MICU1: variants seen among roughly 807,000 people sequenced by gnomAD.
The protein encoded by MICU1 is calcium uptake protein 1, mitochondrial.
Under a neutral mutation model 56.8 loss-of-function variants are expected in MICU1, and 45 were observed. The observed-to-expected ratio is 0.79, with a 90% CI of 0.62 to 1.02. The LOEUF (loss-of-function observed/expected upper bound fraction) is 1.02, where lower values mean the gene tolerates loss of function less well. Among genes scored for constraint, MICU1 ranks in the 50% least tolerant of loss-of-function variants. The pLI is 0.00. For synonymous variants in MICU1, 186 were observed against 195.1 expected (o/e 0.95, Z 0.39); for missense variants, 504 against 587.1 (o/e 0.86, Z 1.46).
intron 5 of MICU1, among the ~76,000 whole-genome samples, chr10:72,522,908 A>G (rs896727932): frequency 2.0e-5 from 3 of 152,178 alleles, no homozygotes; most frequent in African/African-American, 7.2e-5. Flanking sequence ...AAGGTTTATT[A>G]TTATTCTTTA....
In MICU1 at chr10:72,456,946, G is replaced by GGTGT. The variant is rs71018292; in HGVS notation, c.933+18150_933+18153dup. 0.01 allele frequency among the ~76,000 whole-genome samples: 1,184 copies of GGTGT among 117,770 alleles called. 48 individuals are homozygous for GGTGT. The East Asian group carries it at 0.15, about 15-fold the overall frequency. The allele number at this position is 117,770 out of a possible 152,430, so 77.3% of individuals were successfully genotyped here. A position where few individuals can be genotyped will look rare whatever the true frequency, so the allele number is the denominator to read the frequency against. On this transcript the variant is annotated intron_variant, in intron 8 of 11. Transcript: ENST00000361114. Reference sequence around the variant, plus strand: ...AAACGAGATCTCACTATATTGCCCAGGTGTGTGTGTGTGTGTGTGTGTGTG... The same window carrying GGTGT: ...AAACGAGATCTCACTATATTGCCCAGGTGTGTGTGTGTGTGTGTGTGTGTGTGTG...
intron 6 of MICU1, among the ~76,000 whole-genome samples, chr10:72,504,240 C>CA (rs1444887887): frequency 6.6e-6 from 1 of 152,096 alleles, no homozygotes; most frequent in Non-Finnish European, 1.5e-5. Flanking sequence ...TATAAAGCTA[C>CA]AGTAACCAAA....
chr10:72,391,655 GA>G (rs1258125265), intron 10 of MICU1, among the ~76,000 whole-genome samples: 1 of 151,926 alleles, frequency 6.6e-6, no homozygotes, highest in Non-Finnish European at 1.5e-5. Context: ...CTTACGTGCA[GA>G]TTTTTTTTTC....
In MICU1 at chr10:72,393,586, C is replaced by T. The variant is rs536039261; in HGVS notation, c.1180+14343G>A. Among the ~76,000 whole-genome samples, 6 of 152,176 alleles carry T rather than the reference C, an allele frequency of 3.9e-5. No homozygotes were observed. The East Asian group carries it at 1.2e-3, about 29-fold the overall frequency. On this transcript the variant is annotated intron_variant, in intron 10 of 11. Transcript: ENST00000361114. ...ATATTTTATGAACTCAGAGAGTATA[C>T]AGGGGCCATGGCATAGGTAGCCCTG... is the stretch of plus-strand genomic sequence containing the variant.
intron 3 of MICU1, among the ~76,000 whole-genome samples, chr10:72,554,395 T>A (rs1470036320): frequency 1.3e-5 from 2 of 152,188 alleles, no homozygotes; most frequent in East Asian, 3.8e-4. Flanking sequence ...GGATCAAACC[T>A]GAGTCTGATC....
In MICU1 at chr10:72,530,719, A is replaced by G. The variant is rs184191240; in HGVS notation, c.537+3027T>C. 4.8e-3 allele frequency among the ~76,000 whole-genome samples: 728 copies of G among 152,334 alleles called. 1 individual carries two copies. The highest frequency in any genetic ancestry group is 8.7e-3 in the Non-Finnish European group (591 of 68,022). On this transcript the variant is annotated intron_variant, in intron 5 of 11. Transcript: ENST00000361114. The stretch of plus-strand genomic sequence containing the variant: ...TAGTGTCCATTAACATAAAGTAATA[A>G]TGGGCTCTGGAAAAAGATTCAACTA...
At chr10:72,613,431 C>G (rs1331427886) in intron 1 of MICU1, among the ~76,000 whole-genome samples, 1 of 151,714 alleles carries the variant, frequency 6.6e-6, no homozygotes, top group Non-Finnish European at 1.5e-5. Context: ...TGTGCCACCA[C>G]GCCTGGCTGA....
At chr10:72,423,457 C>T (rs1864245046) in intron 8 of MICU1, 86 bp from the exon 9 acceptor site, 2 of 1,429,804 alleles carry the variant, frequency 1.4e-6, no homozygotes, top group Non-Finnish European at 1.9e-6. Flanking sequence ...TGTTTGATGG[C>T]AGAAAATAGC....
intron 1 of MICU1, among the ~76,000 whole-genome samples, chr10:72,570,135 G>C (rs1840571342): frequency 6.6e-6 from 1 of 152,018 alleles, no homozygotes. Flanking sequence ...AGTAAAGACG[G>C]GGTCTTACCA....
At chr10:72,438,520 C>T (rs910970310) in intron 8 of MICU1, among the ~76,000 whole-genome samples, 2 of 152,078 alleles carry the variant, frequency 1.3e-5, no homozygotes, top group Non-Finnish European at 2.9e-5. Flanking sequence ...AATTCAAAAG[C>T]TAGCAGAAGG....
Position 72,563,054 on chromosome 10 carries a change from T to C in MICU1, c.171A>G (p.Ala57=), listed in dbSNP as rs140707885. 1 of 1,572,298 alleles carries C rather than the reference T, an allele frequency of 6.4e-7. No individual in the cohort carries two copies. The highest frequency in any genetic ancestry group is 1.9e-5 in the Admixed American group (1 of 51,922). Residue 57 remains alanine, a synonymous_variant, in exon 3 of 12, where the codon GCA becomes GCG. Transcript: ENST00000361114. The part of the protein sequence containing the change: ...STGLLWKRAH[A]ESPPCVDNLK... ...GGTTGTCTACACATGGTGGAGATTC[T>C]GCATGGGCCCTGGATATGCAAAAAA...
chr10:72,425,388 A>G (rs1304713364), intron 8 of MICU1, among the ~76,000 whole-genome samples: 1 of 152,052 alleles, frequency 6.6e-6, no homozygotes, highest in Non-Finnish European at 1.5e-5. Context: ...AAGGCTTATA[A>G]AAGGCCTTTA....
At position 72,569,227 on chromosome 10, in the gene MICU1, A is replaced by ATTTTTTT. The variant is rs1457174727; in HGVS notation, c.-1-2434_-1-2433insAAAAAAA. Reference sequence around the variant, plus strand: ...TATGCATATATATATATATATATATATATATATATATTTTTTTTTTTTTTT... The same window carrying ATTTTTTT: ...TATGCATATATATATATATATATATATTTTTTTTATATATATATTTTTTTTTTTTTTT... On this transcript the variant is annotated intron_variant, in intron 1 of 11. Transcript: ENST00000361114. Among the ~76,000 whole-genome samples the ATTTTTTT allele has an allele frequency of 4.1e-3, 167 of 40,538 alleles. 9 individuals carry two copies. Among genetic ancestry groups the ATTTTTTT allele is most frequent in the African/African-American group, 0.017 (160 of 9,182 alleles). 26.6% of individuals were successfully genotyped at this position (40,538 alleles called of 152,430 possible).
intron 6 of MICU1, among the ~76,000 whole-genome samples, chr10:72,494,538 T>C (rs1036333220): frequency 2.0e-5 from 3 of 152,180 alleles, no homozygotes; most frequent in Admixed American, 2.0e-4. Context: ...AAGCTTATTA[T>C]CATTACATAT....
At chr10:72,499,296 A>T (rs1309980764) in intron 6 of MICU1, among the ~76,000 whole-genome samples, 4 of 152,200 alleles carry the variant, frequency 2.6e-5, no homozygotes, top group Non-Finnish European at 5.9e-5. Flanking sequence ...AGCAGATTTG[A>T]GAGATTAAAC....
intron 11 of MICU1, among the ~76,000 whole-genome samples, chr10:72,369,732 G>A (rs960341621): frequency 1.3e-5 from 2 of 151,962 alleles, no homozygotes; most frequent in African/African-American, 2.4e-5. Context: ...GTTTTGAGAC[G>A]GAGTCTTGCT....
At chr10:72,591,332 GAACA>G (rs940998459) in intron 1 of MICU1, among the ~76,000 whole-genome samples, 1 of 151,068 alleles carries the variant, frequency 6.6e-6, no homozygotes, top group African/African-American at 2.4e-5. Context: ...AGAAAAAGAA[GAACA>G]AACTAAATCT....
chr10:72,539,864 G>C (rs1164895861), intron 4 of MICU1, among the ~76,000 whole-genome samples: 1 of 152,196 alleles, frequency 6.6e-6, no homozygotes, highest in African/African-American at 2.4e-5. Flanking sequence ...TATTCTTGGA[G>C]AGAAGATAAA....
At chr10:72,385,149 G>C (rs1181138121) in intron 10 of MICU1, among the ~76,000 whole-genome samples, 1 of 152,056 alleles carries the variant, frequency 6.6e-6, no homozygotes, top group East Asian at 1.9e-4. Context: ...CGCTGAACCT[G>C]AACTTCTGGT....
Sources: allele counts gnomAD v4.1 joint callset (sites outside exome capture counted in the v4.1 genomes callset), GRCh38; gene constraint gnomAD v4.1.1; transcripts MANE v1.5; gene names NCBI Gene and HGNC (gene_info 2026-07-23, HGNC 2026-07-21).